Variants in PARD3B observed in about 807,000 individuals in gnomAD.
PARD3B encodes the protein partitioning defective 3 homolog B.
Under a neutral mutation model 130.2 loss-of-function variants are expected in PARD3B, and 103 were observed. The ratio of observed to expected loss-of-function variants is 0.79; its 90% CI spans 0.67 to 0.93. PARD3B has a LOEUF of 0.93. PARD3B is among the 40% of genes least tolerant of loss of function. The pLI is 0.00. For missense variants in PARD3B, 1,609 were observed against 1,499.2 expected (o/e 1.07, Z -1.21); for synonymous variants, 583 against 553.2 (o/e 1.05, Z -0.76).
At chr2:205,320,562 A>G (rs1299178557) in intron 18 of PARD3B, among the ~76,000 whole-genome samples, 1 of 152,248 alleles carries the variant, frequency 6.6e-6, no homozygotes, top group Admixed American at 6.5e-5. Context: ...TGGCAGGCAG[A>G]TGCCATTTTA....
At chr2:204,843,349 G>C (rs2044325802) in intron 2 of PARD3B, among the ~76,000 whole-genome samples, 1 of 151,960 alleles carries the variant, frequency 6.6e-6, no homozygotes, top group African/African-American at 2.4e-5. Context: ...ATAATCATCT[G>C]TACAGAACTC....
intron 12 of PARD3B, among the ~76,000 whole-genome samples, chr2:205,175,524 T>A (rs2035417394): frequency 6.6e-6 from 1 of 152,224 alleles, no homozygotes; most frequent in Non-Finnish European, 1.5e-5. Context: ...AAAATATAAA[T>A]CCAATGCTTT....
At chr2:205,198,540 C>T (rs2036817876) in intron 15 of PARD3B, among the ~76,000 whole-genome samples, 2 of 152,154 alleles carry the variant, frequency 1.3e-5, no homozygotes, top group South Asian at 4.1e-4. Flanking sequence ...TGTTTTTAGA[C>T]ACCCACAATT....
Position 205,122,119 on chromosome 2 carries a change from A to G in PARD3B, c.1165+170A>G, listed in dbSNP as rs1559460839. Among the ~76,000 whole-genome samples the G allele has an allele frequency of 6.6e-6, 1 of 152,164 alleles. No individual in the cohort carries two copies. Among genetic ancestry groups the G allele is most frequent in the Non-Finnish European group, 1.5e-5 (1 of 68,018 alleles). On this transcript the variant is annotated intron_variant, in intron 8 of 22. Transcript: ENST00000406610. This position sits in a 1 kb window ranked among gnomAD's most constrained non-coding sequence, Gnocchi z 4.3. ...AAATTTCTTGAAATTGTACTTTTTT[A>G]TTCTTTTCTTCGGAGTGTATAGATT...
At chr2:205,124,237 A>T in intron 8 of PARD3B, 90 bp from the exon 9 acceptor site, 1 of 1,011,680 alleles carries the variant, frequency 9.9e-7, no homozygotes, top group Non-Finnish European at 1.4e-6. Flanking sequence ...ATTCTATATT[A>T]GTCTAAATTA....
At chr2:205,249,775 G>C (rs113931427) in intron 16 of PARD3B, among the ~76,000 whole-genome samples, 2 of 152,144 alleles carry the variant, frequency 1.3e-5, no homozygotes, top group African/African-American at 4.8e-5. Flanking sequence ...CTATGGTATG[G>C]TGAGACCTGC....
In PARD3B at chr2:204,890,501, G is replaced by T. The variant is rs936542882; in HGVS notation, c.223-74651G>T. 1.3e-5 allele frequency among the ~76,000 whole-genome samples: 2 copies of T among 152,020 alleles called. No homozygotes were observed. Among genetic ancestry groups the T allele is most frequent in the Admixed American group, 1.3e-4 (2 of 15,246 alleles). On this transcript the variant is annotated intron_variant, in intron 2 of 22. Coordinates refer to ENST00000406610, the MANE Select transcript of PARD3B (RefSeq NM_001302769.2). This position sits in a 1 kb window ranked among gnomAD's most constrained non-coding sequence, Gnocchi z 4.9. ...CATTGAATATATATTAAATTTATTG[G>T]GTAATTATTTAAAGGAACAGTATGT...
chr2:204,713,435 A>T (rs2038560015), intron 2 of PARD3B, among the ~76,000 whole-genome samples: 1 of 149,960 alleles, frequency 6.7e-6, no homozygotes, highest in Admixed American at 6.6e-5. Context: ...ACCATTTTTT[A>T]AGTATGCAGT....
intron 11 of PARD3B, among the ~76,000 whole-genome samples, chr2:205,168,485 TA>T (rs1669772777): frequency 6.6e-6 from 1 of 152,160 alleles, no homozygotes. Flanking sequence ...TTAAAAACCA[TA>T]AAAAGCTGAT....
At chr2:204,744,669 A>G (rs1350347529) in intron 2 of PARD3B, among the ~76,000 whole-genome samples, 3 of 152,134 alleles carry the variant, frequency 2.0e-5, no homozygotes, top group Admixed American at 1.3e-4. Context: ...AGGGATATCA[A>G]TGTGCCTGTG....
chr2:205,253,270 CACTTA>C lies in PARD3B; in HGVS notation c.2185+7450_2185+7454del, dbSNP rs1377343823. On this transcript the variant is annotated intron_variant, in intron 16 of 22. Coordinates refer to ENST00000406610, the MANE Select transcript of PARD3B (RefSeq NM_001302769.2). The surrounding 1 kb of genome is among the most constrained non-coding windows in gnomAD (Gnocchi z 4.4). ...AGAAGATAGAGACAGGGTAGATAGA[CACTTA>C]AGAGTAAAATGTATTAACACAAAGG... 2 of 474,534 alleles carry C rather than the reference CACTTA, an allele frequency of 4.2e-6. No homozygotes were observed. Among genetic ancestry groups the C allele is most frequent in the Non-Finnish European group, 8.5e-6 (2 of 236,302 alleles). The allele number at this position is 474,534 out of a possible 1,614,324, so 29.4% of individuals were successfully genotyped here. A position where few individuals can be genotyped will look rare whatever the true frequency, so the allele number is the denominator to read the frequency against.
At position 205,572,730 on chromosome 2, in the gene PARD3B, G is replaced by A. The variant is rs1457440626; in HGVS notation, c.3260+19327G>A. On this transcript the variant is annotated intron_variant, in intron 22 of 22. Transcript: ENST00000406610. This position sits in a 1 kb window ranked among gnomAD's most constrained non-coding sequence, Gnocchi z 4.2. ...ATTGCACTCCAGCCTGGACAACAGAGGGAGAACCCCATCTCCTAAATAAAT... is the reference window on the plus strand; with the variant it reads ...ATTGCACTCCAGCCTGGACAACAGAAGGAGAACCCCATCTCCTAAATAAAT... 6.6e-6 allele frequency among the ~76,000 whole-genome samples: 1 copy of A among 152,120 alleles called. No individual in the cohort carries two copies. The highest frequency in any genetic ancestry group is 2.4e-5 in the African/African-American group (1 of 41,434).
intron 21 of PARD3B, among the ~76,000 whole-genome samples, chr2:205,511,541 T>C (rs1220745452): frequency 6.6e-6 from 1 of 152,204 alleles, no homozygotes; most frequent in Non-Finnish European, 1.5e-5. Context: ...TTTCTTCTAC[T>C]GCAATGGGAG....
chr2:205,603,584 G>A (rs564172473), intron 22 of PARD3B, among the ~76,000 whole-genome samples: 6 of 152,252 alleles, frequency 3.9e-5, no homozygotes, highest in East Asian at 1.9e-4. Flanking sequence ...TTGTTGAATC[G>A]ATCCCTTTAC....
In PARD3B at chr2:205,575,887, C is replaced by T. The variant is rs1337772212; in HGVS notation, c.3260+22484C>T. ...AGTTTTCAGCTCTTTTGGGTAAATA[C>T]CAAGGAACATGACTGCTGGATCAAG... On this transcript the variant is annotated intron_variant, in intron 22 of 22. Transcript: ENST00000406610. This position sits in a 1 kb window ranked among gnomAD's most constrained non-coding sequence, Gnocchi z 4.6. 6.6e-6 allele frequency among the ~76,000 whole-genome samples: 1 copy of T among 152,064 alleles called. No individual in the cohort carries two copies. The highest frequency in any genetic ancestry group is 1.5e-5 in the Non-Finnish European group (1 of 68,004).
intron 15 of PARD3B, among the ~76,000 whole-genome samples, chr2:205,199,872 G>A (rs2036895502): frequency 6.6e-6 from 1 of 151,956 alleles, no homozygotes; most frequent in Non-Finnish European, 1.5e-5. Context: ...CCTCACACTG[G>A]AAGACAAGGA....
rs979747943 is a variant in PARD3B, at chr2:205,616,589, G to T, written c.*776G>T. 2 of 152,190 alleles carry T rather than the reference G, an allele frequency of 1.3e-5. No individual in the cohort carries two copies. 9.4% of individuals were successfully genotyped at this position (152,190 alleles called of 1,614,324 possible). A position where few individuals can be genotyped will look rare whatever the true frequency, so the allele number is the denominator to read the frequency against. On this transcript the variant is annotated 3_prime_UTR_variant, in exon 23 of 23. Coordinates refer to ENST00000406610, the MANE Select transcript of PARD3B (RefSeq NM_001302769.2). ...GGACTAAGGTGATCAGGTTAAGAGG[G>T]TTCAACATCCCACGGCCCTCACCTT...
chr2:204,680,114 C>T (rs2036756482), intron 1 of PARD3B, among the ~76,000 whole-genome samples: 1 of 151,844 alleles, frequency 6.6e-6, no homozygotes. Context: ...TTTCTAGTCT[C>T]TAGAAGTATT....
intron 12 of PARD3B, among the ~76,000 whole-genome samples, chr2:205,175,692 C>G (rs1197450395): frequency 6.6e-6 from 1 of 152,092 alleles, no homozygotes; most frequent in African/African-American, 2.4e-5. Flanking sequence ...ATAATACGAA[C>G]AAGAGCATAC....
Sources: gnomAD v4.1 joint callset for allele counts (sites outside exome capture counted in the v4.1 genomes callset) on GRCh38, gnomAD v4.1.1 for gene constraint, Gnocchi (gnomAD v3.1) non-coding constraint, MANE v1.5 for transcripts, NCBI Gene and HGNC (gene_info 2026-07-23, HGNC 2026-07-21) for gene names.